Variants in OR8J1 observed in about 807,000 individuals in gnomAD.
The protein encoded by OR8J1 is olfactory receptor 8J1.
For missense variants in OR8J1, 400 were observed against 373.0 expected, an observed-to-expected ratio of 1.07 and a Z score of -0.60; for synonymous variants, 157 against 144.3, an observed-to-expected ratio of 1.09 and a Z score of -0.63.
At chr11:56,355,704 A>C (rs1854959020) in intron 1 of OR8J1, among the ~76,000 whole-genome samples, 1 of 152,204 alleles carries the variant, frequency 6.6e-6, no homozygotes, top group Admixed American at 6.5e-5. Context: ...AAAAAAACAA[A>C]CAAACAAAAG....
rs552207411 is a variant in OR8J1, at chr11:56,356,584, G to T, written c.-21+2259G>T. ...AGGGGACACAGAAGCACAACTACCT[G>T]TTACGTAGTGTTTGGAAATAAAAGG... On this transcript the variant is annotated intron_variant, in intron 1 of 1. Coordinates refer to ENST00000533152, the MANE Select transcript of OR8J1 (RefSeq NM_001005205.3). Among the ~76,000 whole-genome samples, 4 of 152,248 alleles carry T rather than the reference G, an allele frequency of 2.6e-5. No individual in the cohort carries two copies. In the South Asian group the frequency reaches 8.3e-4, roughly 32 times the overall value.
At chr11:56,357,667 T>C (rs1001664702) in intron 1 of OR8J1, 18 of 1,571,258 alleles carry the variant, frequency 1.1e-5, no homozygotes, top group Non-Finnish European at 1.6e-5. Flanking sequence ...AGGTTTGGCA[T>C]GGACAAGATC....
rs1443967103 is a variant in OR8J1 at position 56,360,846 on chromosome 11, T to C, written c.600T>C (p.Phe200=). The change falls in exon 2 of 2, where the codon TTT becomes TTC. Residue 200 remains phenylalanine (F), a synonymous_variant. Coordinates refer to ENST00000533152, the MANE Select transcript of OR8J1 (RefSeq NM_001005205.3). ...CTTACTTACCAGAAACAGTTGTCTTTATATCTGCAGCAACAAATGTGGTTG... is the reference window on the plus strand; with the variant it reads ...CTTACTTACCAGAAACAGTTGTCTTCATATCTGCAGCAACAAATGTGGTTG... ...SDTYLPETVV[F]ISAATNVVGS... The C allele has an allele frequency of 1.3e-6, 2 of 1,519,886 alleles. No individual in the cohort carries two copies. The highest frequency in any genetic ancestry group is 1.8e-6 in the Non-Finnish European group (2 of 1,140,064). 94.1% of individuals were successfully genotyped at this position (1,519,886 alleles called of 1,614,324 possible). A position where few individuals can be genotyped will look rare whatever the true frequency, so the allele number is the denominator to read the frequency against.
At chr11:56,355,164 C>T (rs1854950520) in intron 1 of OR8J1, among the ~76,000 whole-genome samples, 1 of 152,000 alleles carries the variant, frequency 6.6e-6, no homozygotes, top group South Asian at 2.1e-4. Context: ...CATTCTCCCT[C>T]AGATTGTATA....
At chr11:56,359,774 T>G (rs1726419143) in intron 1 of OR8J1, among the ~76,000 whole-genome samples, 1 of 152,050 alleles carries the variant, frequency 6.6e-6, no homozygotes. Flanking sequence ...ATGAAATGAA[T>G]AAAGAAAATG....
chr11:56,360,200 T>G, intron 1 of OR8J1, 27 bp from the exon 2 acceptor site: 1 of 1,470,174 alleles, frequency 6.8e-7, no homozygotes, highest in East Asian at 2.3e-5. Flanking sequence ...TCTTTAAAGT[T>G]TTTAACCTCT....
intron 1 of OR8J1, among the ~76,000 whole-genome samples, chr11:56,358,761 G>T (rs1224688808): frequency 2.6e-5 from 4 of 151,734 alleles, no homozygotes; most frequent in Admixed American, 2.0e-4. Context: ...CCTTTCATTG[G>T]AATAGTAGGT....
intron 1 of OR8J1, among the ~76,000 whole-genome samples, chr11:56,355,937 T>C (rs753395050): frequency 2.8e-4 from 43 of 152,144 alleles, no homozygotes; most frequent in Non-Finnish European, 6.0e-4. Flanking sequence ...AACAAAGCAA[T>C]CTCAGAAGAA....
Position 56,361,501 on chromosome 11 carries a change from G to A in OR8J1, c.*304G>A. On this transcript the variant is annotated 3_prime_UTR_variant, in exon 2 of 2. Transcript: ENST00000533152. ...AAAAAAATTAAAAAAAGTTAAATAA[G>A]TTTGAATGAGGCAAAATATTACGAT... The A allele has an allele frequency of 4.0e-6, 1 of 252,722 alleles. No homozygotes were observed. Among genetic ancestry groups the A allele is most frequent in the Non-Finnish European group, 7.4e-6 (1 of 134,882 alleles). The allele number at this position is 252,722 out of a possible 1,614,324, so 15.7% of individuals were successfully genotyped here. A position where few individuals can be genotyped will look rare whatever the true frequency, so the allele number is the denominator to read the frequency against.
Position 56,360,535 on chromosome 11 carries a change from T to C in OR8J1, c.289T>C (p.Cys97Arg). The C allele has an allele frequency of 6.2e-7, 1 of 1,614,180 alleles. No individual in the cohort carries two copies. Among genetic ancestry groups the C allele is most frequent in the South Asian group, 1.1e-5 (1 of 91,078 alleles). The change falls in exon 2 of 2, where the codon TGT becomes CGT. Residue 97 changes from cysteine to arginine, a missense_variant. Cys to Arg is a radical substitution (Grantham distance 180). Coordinates refer to ENST00000533152, the MANE Select transcript of OR8J1 (RefSeq NM_001005205.3). ...VKKKTTSFYE[C>R]ATQLGGFLFF... is the part of the protein sequence containing the mutation. ...GAAGAAAACTACCTCATTCTATGAA[T>C]GTGCCACCCAACTGGGAGGGTTCTT...
chr11:56,361,148 C>T lies in OR8J1; in HGVS notation c.902C>T (p.Ala301Val). 6.9e-7 allele frequency: 1 copy of T among 1,440,552 alleles called. No individual in the cohort carries two copies. The highest frequency in any genetic ancestry group is 1.8e-5 in the South Asian group (1 of 54,322). The allele number at this position is 1,440,552 out of a possible 1,614,324, so 89.2% of individuals were successfully genotyped here. A position where few individuals can be genotyped will look rare whatever the true frequency, so the allele number is the denominator to read the frequency against. The change falls in exon 2 of 2, where the codon GCT becomes GTT. Residue 301 changes from alanine to valine, a missense_variant. By Grantham distance (64) the Ala-to-Val change is moderately conservative (BLOSUM62 0). Transcript: ENST00000533152. Reference sequence around the variant, plus strand: ...CTGAGGAATAAGGATGTGAAGACTGCTCTACAGAGATTCATGACAAATCTG... The same window carrying T: ...CTGAGGAATAAGGATGTGAAGACTGTTCTACAGAGATTCATGACAAATCTG... Reference protein sequence around the residue: ...YSLRNKDVKTALQRFMTNLCY... With the variant: ...YSLRNKDVKTVLQRFMTNLCY...
intron 1 of OR8J1, chr11:56,357,601 CA>C: frequency 8.0e-7 from 1 of 1,244,690 alleles, no homozygotes; most frequent in South Asian, 1.2e-5. Context: ...GTTGGCCTGA[CA>C]AATTATGCTG....
At chr11:56,357,517 C>T (rs1396254329) in intron 1 of OR8J1, 4 of 850,104 alleles carry the variant, frequency 4.7e-6, no homozygotes, top group South Asian at 2.6e-5. Flanking sequence ...TGTCAGATTG[C>T]TTATGGCTGT....
intron 1 of OR8J1, among the ~76,000 whole-genome samples, chr11:56,359,869 A>G (rs1412011538): frequency 1.3e-5 from 2 of 152,172 alleles, no homozygotes; most frequent in African/African-American, 2.4e-5. Flanking sequence ...GCAGACATAA[A>G]ATGACCTCAA....
intron 1 of OR8J1, among the ~76,000 whole-genome samples, chr11:56,357,080 T>C (rs1854977988): frequency 6.6e-6 from 1 of 152,186 alleles, no homozygotes; most frequent in Admixed American, 6.6e-5. Flanking sequence ...GCCCACGTTA[T>C]CTTATACCAG....
At chr11:56,359,610 T>C (rs555436740) in intron 1 of OR8J1, among the ~76,000 whole-genome samples, 3 of 152,040 alleles carry the variant, frequency 2.0e-5, no homozygotes, top group East Asian at 1.9e-4. Flanking sequence ...ATATTATACA[T>C]TGAAAGCTAA....
intron 1 of OR8J1, among the ~76,000 whole-genome samples, chr11:56,355,790 T>C (rs1854959788): frequency 6.6e-6 from 1 of 152,168 alleles, no homozygotes; most frequent in African/African-American, 2.4e-5. Flanking sequence ...TAATCAGAAA[T>C]GACATTTTTA....
chr11:56,355,475 A>C (rs1015892620), intron 1 of OR8J1, among the ~76,000 whole-genome samples: 7 of 152,014 alleles, frequency 4.6e-5, no homozygotes, highest in African/African-American at 1.2e-4. Context: ...TAAAAATACA[A>C]AAATTAGCTG....
At position 56,357,343 on chromosome 11, in the gene OR8J1, A is replaced by T. The variant is rs1473836084; in HGVS notation, c.-20-2884A>T. The stretch of plus-strand genomic sequence containing the variant: ...CAGGACGGAGTTTGTTAAAGTTGTT[A>T]AGAGTAAGGCCTACTTTAAGAGATA... On this transcript the variant is annotated intron_variant, in intron 1 of 1. Transcript: ENST00000533152. 11 of 640,228 alleles carry T rather than the reference A, an allele frequency of 1.7e-5. No individual in the cohort carries two copies. The South Asian group carries it at 1.9e-4, about 11-fold the overall frequency. 39.7% of individuals were successfully genotyped at this position (640,228 alleles called of 1,614,324 possible). A position where few individuals can be genotyped will look rare whatever the true frequency, so the allele number is the denominator to read the frequency against.
Sources: allele counts gnomAD v4.1 joint callset (sites outside exome capture counted in the v4.1 genomes callset), GRCh38; gene constraint gnomAD v4.1.1; transcripts MANE v1.5; gene names NCBI Gene and HGNC (gene_info 2026-07-23, HGNC 2026-07-21).